NUDT1: variants seen among roughly 807,000 people sequenced by gnomAD.
The protein encoded by NUDT1 is oxidized purine nucleoside triphosphate hydrolase.
A neutral mutation model predicts 11.3 loss-of-function variants in NUDT1; 16 were observed. That is an observed-to-expected ratio of 1.41 (90% CI 0.96 to 2.15). The LOEUF is 2.15. Among genes scored for constraint, NUDT1 ranks in the 30% most tolerant of loss-of-function variants. NUDT1 has a pLI of 0.00. For missense variants in NUDT1, 234 were observed against 208.4 expected (o/e 1.12, Z -0.76); for synonymous variants, 101 against 84.4 (o/e 1.20, Z -1.08).
intron 1 of NUDT1, 33 bp downstream of exon 1, chr7:2,242,289 C>A (rs1180586087): frequency 3.9e-6 from 4 of 1,012,896 alleles, no homozygotes; most frequent in South Asian, 1.7e-5. Context: ...TTCCAGGAGT[C>A]GTGGTGACCA....
chr7:2,250,905 A>G lies in NUDT1; in HGVS notation c.375A>G (p.Pro125=). ...GGCCCGACGACAGCTACTGGTTTCC[A>G]CTCCTGCTTCAGAAGAAGAAATTCC... ...DMWPDDSYWF[P]LLLQKKKFHG... The change falls in exon 4 of 4, where the codon CCA becomes CCG. Residue 125 remains proline, a synonymous_variant. Coordinates refer to ENST00000356714, the MANE Select transcript of NUDT1 (RefSeq NM_002452.4). 3 of 1,613,722 alleles carry G rather than the reference A, an allele frequency of 1.9e-6. No individual in the cohort carries two copies. The highest frequency in any genetic ancestry group is 2.5e-6 in the Non-Finnish European group (3 of 1,179,928).
chr7:2,249,884 A>G lies in NUDT1; in HGVS notation c.180A>G (p.Thr60=). ...AGCTGCAGGAGGAGAGCGGTCTGACAGTGGACGCCCTGCACAAGGTGGGCC... is the reference window on the plus strand; with the variant it reads ...AGCTGCAGGAGGAGAGCGGTCTGACGGTGGACGCCCTGCACAAGGTGGGCC... ...RRELQEESGL[T]VDALHKVGQI... The change falls in exon 3 of 4, where the codon ACA becomes ACG. Residue 60 remains threonine, a synonymous_variant. Transcript: ENST00000356714. The G allele has an allele frequency of 6.2e-7, 1 of 1,614,000 alleles. No individual in the cohort carries two copies. The highest frequency in any genetic ancestry group is 1.1e-5 in the South Asian group (1 of 91,090).
chr7:2,248,743 G>C (rs1794866259), intron 2 of NUDT1, among the ~76,000 whole-genome samples: 1 of 151,888 alleles, frequency 6.6e-6, no homozygotes, highest in Admixed American at 6.6e-5. Flanking sequence ...GTAGAAACAG[G>C]GTTTTGCCAT....
intron 3 of NUDT1, among the ~76,000 whole-genome samples, 179 bp from the exon 4 acceptor site, chr7:2,250,650 G>A (rs35204424): frequency 2.1e-5 from 3 of 145,108 alleles, no homozygotes; most frequent in East Asian, 2.1e-4. Flanking sequence ...AGTAGAGACG[G>A]GGTTTCACCG....
At chr7:2,244,452 A>ACCC in intron 1 of NUDT1, 111 bp from the exon 2 acceptor site, 2 of 553,138 alleles carry the variant, frequency 3.6e-6, no homozygotes, top group South Asian at 2.0e-5. Context: ...GTTACAGCAT[A>ACCC]CCCCCCCGCC....
At position 2,249,852 on chromosome 7, in the gene NUDT1, C is replaced by T. The variant is rs544720083; in HGVS notation, c.153-5C>T. The stretch of plus-strand genomic sequence containing the variant: ...CCTCCCTCCCCTGCCCACCTCTGCC[C>T]GCAGGGAGCTGCAGGAGGAGAGCGG... On this transcript the variant is annotated splice_polypyrimidine_tract_variant and splice_region_variant and intron_variant, in intron 2 of 3. Transcript: ENST00000356714. 1.4e-5 allele frequency: 22 copies of T among 1,612,832 alleles called. No individual in the cohort carries two copies. Among genetic ancestry groups the T allele is most frequent in the African/African-American group, 1.2e-4 (9 of 74,942 alleles).
Position 2,250,988 on chromosome 7 carries a change from T to C in NUDT1, c.458T>C (p.Val153Ala). The change falls in exon 4 of 4, where the codon GTG (valine) becomes GCG (alanine). Residue 153 changes from valine (V) to alanine (A), a missense_variant. Val to Ala is a moderately conservative substitution (Grantham distance 64, BLOSUM62 0). Transcript: ENST00000356714. Reference sequence around the variant, plus strand: ...ATCCTGGACTACACACTCCGCGAGGTGGACACGGTCTAGCGGGAGCCCAGG... The same window carrying C: ...ATCCTGGACTACACACTCCGCGAGGCGGACACGGTCTAGCGGGAGCCCAGG... Reference protein sequence around the residue: ...DTILDYTLREVDTV With the variant: ...DTILDYTLREADTV 1 of 1,613,772 alleles carries C rather than the reference T, an allele frequency of 6.2e-7. No homozygotes were observed. The highest frequency in any genetic ancestry group is 8.5e-7 in the Non-Finnish European group (1 of 1,179,894).
rs749206319 is a variant in NUDT1, at chr7:2,250,014, AGG to A, written c.298+14_298+15del. The A allele has an allele frequency of 3.7e-6, 6 of 1,613,576 alleles. No homozygotes were observed. Among genetic ancestry groups the A allele is most frequent in the Non-Finnish European group, 5.1e-6 (6 of 1,179,896 alleles). ...CGTGGAGAGCGACGGTGAGTCTCAC[AGG>A]GCCTGCTCCCCCTCCCCACTATGCG... is the stretch of plus-strand genomic sequence containing the variant. On this transcript the variant is annotated intron_variant, in intron 3 of 3. Coordinates refer to ENST00000356714, the MANE Select transcript of NUDT1 (RefSeq NM_002452.4).
At chr7:2,242,539 A>T in intron 1 of NUDT1, 1 of 379,694 alleles carries the variant, frequency 2.6e-6, no homozygotes, top group East Asian at 5.1e-5. Flanking sequence ...TGGCAGAAAC[A>T]GATCAGTGTC....
At chr7:2,246,557 G>C (rs369690977) in intron 2 of NUDT1, among the ~76,000 whole-genome samples, 10 of 152,034 alleles carry the variant, frequency 6.6e-5, no homozygotes, top group African/African-American at 2.4e-4. Context: ...TCCGCTTCTC[G>C]TCCTGCTGGT....
chr7:2,247,669 G>A (rs1424526132), intron 2 of NUDT1, among the ~76,000 whole-genome samples: 1 of 152,248 alleles, frequency 6.6e-6, no homozygotes, highest in African/African-American at 2.4e-5. Context: ...CATGGACAGA[G>A]CAGACACTTG....
chr7:2,245,253 C>T (rs953227661), intron 2 of NUDT1, among the ~76,000 whole-genome samples: 1 of 152,200 alleles, frequency 6.6e-6, no homozygotes, highest in Non-Finnish European at 1.5e-5. Flanking sequence ...ACACAGTCCT[C>T]CAGACGCCCC....
chr7:2,242,932 G>T (rs751821765), intron 1 of NUDT1: 4 of 711,970 alleles, frequency 5.6e-6, no homozygotes, highest in Non-Finnish European at 7.8e-6. Flanking sequence ...TAGGTTTCTT[G>T]CCTTGATGTA....
chr7:2,244,734 TG>T lies in NUDT1; in HGVS notation c.152+12del, dbSNP rs780407250. On this transcript the variant is annotated intron_variant, in intron 2 of 3. Coordinates refer to ENST00000356714, the MANE Select transcript of NUDT1 (RefSeq NM_002452.4). ...CGAGGATGGGGCTAGGAGGTAAGGA[TG>T]GGGCAGGTCTGGCCATAGAACCGGC... 7 of 1,604,618 alleles carry T rather than the reference TG, an allele frequency of 4.4e-6. No homozygotes were observed. The East Asian group carries it at 1.6e-4, about 36-fold the overall frequency.
intron 2 of NUDT1, among the ~76,000 whole-genome samples, chr7:2,247,006 G>T (rs1469337634): frequency 6.8e-6 from 1 of 146,744 alleles, no homozygotes; most frequent in Non-Finnish European, 1.5e-5. Context: ...AGCCAGACAG[G>T]CTGGTGCTTA....
intron 3 of NUDT1, 152 bp from the exon 4 acceptor site, chr7:2,250,677 C>T (rs1226465804): frequency 2.9e-6 from 1 of 341,052 alleles, no homozygotes; most frequent in Non-Finnish European, 5.6e-6. Context: ...CCAGGATGGT[C>T]TCGATCTCCT....
At chr7:2,250,686 C>T in intron 3 of NUDT1, 143 bp from the exon 4 acceptor site, 1 of 478,646 alleles carries the variant, frequency 2.1e-6, no homozygotes, top group Admixed American at 3.3e-5. Context: ...TCTCGATCTC[C>T]TGACCTCGTG....
intron 2 of NUDT1, 149 bp downstream of exon 2, chr7:2,244,875 T>C: frequency 1.1e-6 from 1 of 924,008 alleles, no homozygotes; most frequent in Non-Finnish European, 1.6e-6. Context: ...CATCTCAGAA[T>C]GAAGAACAGT....
At chr7:2,250,690 C>G (rs1794975669) in intron 3 of NUDT1, 139 bp from the exon 4 acceptor site, 8 of 630,916 alleles carry the variant, frequency 1.3e-5, no homozygotes, top group Admixed American at 6.6e-5. Flanking sequence ...GATCTCCTGA[C>G]CTCGTGATCC....
Sources: gnomAD v4.1 joint callset for allele counts (sites outside exome capture counted in the v4.1 genomes callset) on GRCh38, gnomAD v4.1.1 for gene constraint, MANE v1.5 for transcripts, NCBI Gene and HGNC (gene_info 2026-07-23, HGNC 2026-07-21) for gene names.